The following YTHDF1 variants were observed in gnomAD, a reference collection of about 807,000 sequenced individuals.
YTHDF1 encodes YTH domain-containing family protein 1.
YTHDF1 carries 16 observed loss-of-function variants against 49.1 expected under a neutral mutation model. The ratio of observed to expected loss-of-function variants is 0.33; its 90% confidence interval spans 0.22 to 0.49. YTHDF1 has a LOEUF of 0.49. Among genes scored for constraint, YTHDF1 ranks in the 20% least tolerant of loss-of-function variants. YTHDF1 has a pLI of 0.99. For synonymous variants in YTHDF1, 313 were observed against 290.1 expected (o/e 1.08, Z -0.80); for missense variants, 621 against 744.3 (o/e 0.83, Z 1.93).
rs1480161354 is a variant in YTHDF1 at position 63,203,637 on chromosome 20, G to A, written c.303C>T (p.His101=). 14 of 1,614,036 alleles carry A rather than the reference G, an allele frequency of 8.7e-6. No homozygotes were observed. The highest frequency in any genetic ancestry group is 1.3e-5 in the African/African-American group (1 of 74,896). Residue 101 remains histidine, a synonymous_variant, in exon 4 of 5, where the codon CAC becomes CAT. Transcript: ENST00000370339. This position sits in a 1 kb window ranked among gnomAD's most constrained non-coding sequence, Gnocchi z 4.4. ...CCCCAGGCTGCCCAAAAACAGCATCGTGCATAAAATGATGGTCTCCGTTAC... is the reference window on the plus strand; with the variant it reads ...CCCCAGGCTGCCCAAAAACAGCATCATGCATAAAATGATGGTCTCCGTTAC... The part of the protein sequence containing the change: ...QLSNGDHHFM[H]DAVFGQPGGL...
At chr20:63,213,131 G>A (rs1249421642) in intron 3 of YTHDF1, among the ~76,000 whole-genome samples, 1 of 152,228 alleles carries the variant, frequency 6.6e-6, no homozygotes, top group Non-Finnish European at 1.5e-5. Context: ...AGTCAGTGGT[G>A]GAGTTAAAAT....
intron 2 of YTHDF1, 135 bp from the exon 3 acceptor site, chr20:63,214,078 C>G (rs2066589332): frequency 7.2e-7 from 1 of 1,392,934 alleles, no homozygotes; most frequent in East Asian, 2.9e-5. Context: ...GGAGTACAAC[C>G]AGTATAGAAC....
At chr20:63,200,998 T>C (rs549783625) in intron 4 of YTHDF1, among the ~76,000 whole-genome samples, 23 of 151,636 alleles carry the variant, frequency 1.5e-4, no homozygotes, top group Non-Finnish European at 2.8e-4. Flanking sequence ...TGAGCCGAGA[T>C]TGCGCCACTG....
chr20:63,215,252 T>C (rs896613942), intron 2 of YTHDF1, among the ~76,000 whole-genome samples: 1 of 152,168 alleles, frequency 6.6e-6, no homozygotes, highest in Non-Finnish European at 1.5e-5. Flanking sequence ...GAGCAGCCCC[T>C]GCTGGGCGGA....
chr20:63,212,845 G>C (rs745500248), intron 3 of YTHDF1, among the ~76,000 whole-genome samples: 1 of 152,164 alleles, frequency 6.6e-6, no homozygotes, highest in Non-Finnish European at 1.5e-5. Flanking sequence ...TGGGAAGCCA[G>C]GGAGGCTGCT....
At chr20:63,209,402 T>A (rs2066563357) in intron 3 of YTHDF1, among the ~76,000 whole-genome samples, 1 of 152,238 alleles carries the variant, frequency 6.6e-6, no homozygotes, top group African/African-American at 2.4e-5. Context: ...GTACAAAAAT[T>A]TTTTTTGTTA....
At chr20:63,215,811 A>C (rs2066599417) in intron 1 of YTHDF1, 55 bp downstream of exon 1, 1 of 1,450,350 alleles carries the variant, frequency 6.9e-7, no homozygotes, top group South Asian at 1.3e-5. Flanking sequence ...CAGGACCTCA[A>C]CCCAGACCCC....
At chr20:63,208,713 A>G (rs2066559687) in intron 3 of YTHDF1, among the ~76,000 whole-genome samples, 1 of 152,238 alleles carries the variant, frequency 6.6e-6, no homozygotes, top group African/African-American at 2.4e-5. Flanking sequence ...AAGGAAGCCC[A>G]TATTTTTAGA....
chr20:63,213,962 A>G lies in YTHDF1; in HGVS notation c.53-19T>C. 6.4e-7 allele frequency: 1 copy of G among 1,570,470 alleles called. No homozygotes were observed. Among genetic ancestry groups the G allele is most frequent in the Non-Finnish European group, 8.6e-7 (1 of 1,167,358 alleles). On this transcript the variant is annotated intron_variant, in intron 2 of 4. Transcript: ENST00000370339. ...TTTTGTACTAGAACAAAAAGTTGCA[A>G]AATATTACCCTCAAATTTTAAAAGA...
chr20:63,203,874 TCTTGCTTAA>T lies in YTHDF1; in HGVS notation c.133-76_133-68del. On this transcript the variant is annotated intron_variant, in intron 3 of 4. Transcript: ENST00000370339. This position sits in a 1 kb window ranked among gnomAD's most constrained non-coding sequence, Gnocchi z 4.4. ...CGAGATGCTGAGAATGCCAACCGCC[TCTTGCTTAA>T]GCACAGGTGGAGCAAAAACAAAACC... is the stretch of plus-strand genomic sequence containing the variant. 6.8e-7 allele frequency: 1 copy of T among 1,472,456 alleles called. No homozygotes were observed. The highest frequency in any genetic ancestry group is 9.1e-7 in the Non-Finnish European group (1 of 1,094,472). The allele number at this position is 1,472,456 out of a possible 1,614,324, so 91.2% of individuals were successfully genotyped here.
chr20:63,204,744 C>T (rs943071052), intron 3 of YTHDF1, among the ~76,000 whole-genome samples: 2 of 152,124 alleles, frequency 1.3e-5, no homozygotes, highest in Admixed American at 1.3e-4. Flanking sequence ...AGTGCCCCAT[C>T]GTAGGGGTCT....
rs566822199 is a variant in YTHDF1 at position 63,209,568 on chromosome 20, G to T, written c.132+4296C>A. 7.0e-4 allele frequency among the ~76,000 whole-genome samples: 106 copies of T among 152,188 alleles called. 1 individual carries two copies. In the South Asian group the frequency reaches 0.015, roughly 21 times the overall value. On this transcript the variant is annotated intron_variant, in intron 3 of 4. Transcript: ENST00000370339. ...GAGGACTGCTTCAGCCCAGGATTTC[G>T]AGAACAGCCCAGGCAACACAGTGAG...
intron 4 of YTHDF1, among the ~76,000 whole-genome samples, chr20:63,200,919 T>G (rs934960193): frequency 6.6e-5 from 10 of 152,106 alleles, no homozygotes; most frequent in African/African-American, 2.2e-4. Context: ...CGAGCTATTG[T>G]CTGTAATCCC....
At chr20:63,211,272 C>T (rs976990583) in intron 3 of YTHDF1, among the ~76,000 whole-genome samples, 1 of 152,104 alleles carries the variant, frequency 6.6e-6, no homozygotes, top group African/African-American at 2.4e-5. Context: ...CAAGACCAGC[C>T]TGGGCAACAC....
At chr20:63,209,123 A>C (rs1300761384) in intron 3 of YTHDF1, among the ~76,000 whole-genome samples, 2 of 152,254 alleles carry the variant, frequency 1.3e-5, no homozygotes, top group Non-Finnish European at 1.5e-5. Context: ...CAAGAACGGG[A>C]CACCTGTACA....
In YTHDF1 at chr20:63,202,773, C is replaced by A. The variant is rs2066523759; in HGVS notation, c.1167G>T (p.Gly389=). 6.2e-7 allele frequency: 1 copy of A among 1,614,184 alleles called. No individual in the cohort carries two copies. The highest frequency in any genetic ancestry group is 8.5e-7 in the Non-Finnish European group (1 of 1,180,054). The change falls in exon 4 of 5, where the codon GGG becomes GGT. Residue 389 remains glycine, a synonymous_variant. Transcript: ENST00000370339. ...PKEFEWNLKS[G]RVFIIKSYSE... is the part of the protein sequence containing the mutation. ...AGTAGCTCTTGATGATGAACACACG[C>A]CCGCTTTTCAGATTCCACTCAAACT...
At chr20:63,201,597 C>G (rs185856536) in intron 4 of YTHDF1, among the ~76,000 whole-genome samples, 418 of 152,302 alleles carry the variant, frequency 2.7e-3, no homozygotes, top group Admixed American at 5.3e-3. Context: ...TCAGGACTGT[C>G]TCAAAAAGGC....
At chr20:63,213,792 G>A (rs953617134) in intron 3 of YTHDF1, 72 bp downstream of exon 3, 3 of 1,351,758 alleles carry the variant, frequency 2.2e-6, no homozygotes, top group Non-Finnish European at 3.1e-6. Context: ...TTAAAAATCA[G>A]AAATGACAGT....
In YTHDF1 at chr20:63,203,784, G is replaced by A. The variant is rs777419609; in HGVS notation, c.156C>T (p.Ser52=). Residue 52 remains serine, a synonymous_variant, in exon 4 of 5, where the codon AGC becomes AGT. Transcript: ENST00000370339. The surrounding 1 kb of genome is among the most constrained non-coding windows in gnomAD (Gnocchi z 4.4). The stretch of plus-strand genomic sequence containing the variant: ...GGTAATAGCTGGACAGGTAGGGGTC[G>A]CTCATTGAGGGGTAACTGTTACTCT... ...SNQSNSYPSM[S]DPYLSSYYPP... 8.1e-6 allele frequency: 13 copies of A among 1,605,764 alleles called. No homozygotes were observed. The highest frequency in any genetic ancestry group is 7.7e-5 in the South Asian group (7 of 90,920).
Sources: allele counts gnomAD v4.1 joint callset (sites outside exome capture counted in the v4.1 genomes callset), GRCh38; gene constraint gnomAD v4.1.1; non-coding constraint Gnocchi (gnomAD v3.1); transcripts MANE v1.5; gene names NCBI Gene and HGNC (gene_info 2026-07-23, HGNC 2026-07-21).